The following USP35 variants were observed in gnomAD, a reference collection of about 807,000 sequenced individuals.
USP35 encodes the protein ubiquitin specific peptidase 35.
A neutral mutation model predicts 83.8 loss-of-function variants in USP35; 69 were observed. That is an observed-to-expected ratio of 0.82 (90% CI 0.68 to 1.01). USP35 has a LOEUF of 1.01. USP35 is among the 50% of genes least tolerant of loss of function. USP35 has a pLI of 0.00. For missense variants in USP35, 1,503 were observed against 1,362.5 expected (o/e 1.10, Z -1.62); for synonymous variants, 714 against 589.5 (o/e 1.21, Z -3.06).
At chr11:78,203,892 CTT>C (rs1452214469) in intron 6 of USP35, among the ~76,000 whole-genome samples, 7 of 114,344 alleles carry the variant, frequency 6.1e-5, no homozygotes, top group Non-Finnish European at 9.4e-5. Context: ...TTTTTCTTTT[CTT>C]TTTTTTTTTT....
chr11:78,225,221 T>G, the USP35 span: 1 of 1,526,392 alleles, frequency 6.6e-7, no homozygotes, highest in African/African-American at 1.4e-5. Flanking sequence ...GGAAGGAGGA[T>G]TCATAAGTAC....
At chr11:78,222,530 TATATATTA>T in the USP35 span, among the ~76,000 whole-genome samples, 3 of 148,178 alleles carry the variant, frequency 2.0e-5, no homozygotes, top group East Asian at 3.9e-4. Flanking sequence ...AAAATATATT[TATATATTA>T]ATATATTAAT....
At chr11:78,193,435 G>C (rs1180289895) in intron 1 of USP35, among the ~76,000 whole-genome samples, 1 of 150,620 alleles carries the variant, frequency 6.6e-6, no homozygotes, top group Non-Finnish European at 1.5e-5. Flanking sequence ...AACCTCCTGA[G>C]CTCAAGCCAT....
At chr11:78,226,922 G>A in the USP35 span, 1 of 1,613,944 alleles carries the variant, frequency 6.2e-7, no homozygotes, top group Non-Finnish European at 8.5e-7. Flanking sequence ...GCTTGGGAAG[G>A]CTATAGAAGC....
rs1864026850 is a variant in USP35, at chr11:78,214,737, CTGTGATGGCCACTG to C, written c.*925_*938del. The C allele has an allele frequency of 6.6e-6, 1 of 151,616 alleles. No individual in the cohort carries two copies. The highest frequency in any genetic ancestry group is 2.4e-5 in the African/African-American group (1 of 40,840). The allele number at this position is 151,616 out of a possible 1,614,324, so 9.4% of individuals were successfully genotyped here. On this transcript the variant is annotated 3_prime_UTR_variant, in exon 11 of 11. Coordinates refer to ENST00000529308, the MANE Select transcript of USP35 (RefSeq NM_020798.4). The stretch of plus-strand genomic sequence containing the variant: ...GATTGTTCTTCCTTGGACTCAGGGG[CTGTGATGGCCACTG>C]GGTTTTGCTCACGGGGTCTGGGGAG...
chr11:78,231,903 C>T, the USP35 span: 2 of 152,218 alleles, frequency 1.3e-5, no homozygotes, highest in African/African-American at 4.8e-5. Context: ...GTAACTGTCA[C>T]TGGCCATGTT....
chr11:78,196,723 C>T lies in USP35; in HGVS notation c.478C>T (p.His160Tyr), dbSNP rs1484770328. Residue 160 changes from histidine to tyrosine, a missense_variant, in exon 2 of 11, where the codon CAC becomes TAC. Coordinates refer to ENST00000529308, the MANE Select transcript of USP35 (RefSeq NM_020798.4). The surrounding 1 kb of genome is among the most constrained non-coding windows in gnomAD (Gnocchi z 4.8). ...CCCGCGCTGTGTGCCCGACGGACCC[C>T]ACCGCCTGCTCTTCTGCCAGCAGCT... The part of the protein sequence containing the change: ...RHPRCVPDGP[H>Y]RLLFCQQLVR... The T allele has an allele frequency of 6.5e-7, 1 of 1,530,728 alleles. No homozygotes were observed. 94.8% of individuals were successfully genotyped at this position (1,530,728 alleles called of 1,614,324 possible).
At chr11:78,210,842 TG>T (rs1279685814) in intron 10 of USP35, 98 bp downstream of exon 10, 1 of 1,292,900 alleles carries the variant, frequency 7.7e-7, no homozygotes, top group Non-Finnish European at 1.0e-6. Context: ...AAGTCTTTTT[TG>T]TAAATCCCAT....
At chr11:78,197,662 G>C (rs1863193728) in intron 2 of USP35, among the ~76,000 whole-genome samples, 1 of 152,156 alleles carries the variant, frequency 6.6e-6, no homozygotes, top group South Asian at 2.1e-4. Flanking sequence ...TAGCGCCAGC[G>C]TTTCCCCTCC....
chr11:78,213,856 G>C lies in USP35; in HGVS notation c.*43G>C. ...CCTGACCCCTTCCCTCCAGGAGCCA[G>C]GTAGGGCCTGAGGGAAGCTGTGGAG... On this transcript the variant is annotated 3_prime_UTR_variant, in exon 11 of 11. Coordinates refer to ENST00000529308, the MANE Select transcript of USP35 (RefSeq NM_020798.4). 6.5e-7 allele frequency: 1 copy of C among 1,529,572 alleles called. No homozygotes were observed. Among genetic ancestry groups the C allele is most frequent in the South Asian group, 1.3e-5 (1 of 76,460 alleles). The allele number at this position is 1,529,572 out of a possible 1,614,324, so 94.8% of individuals were successfully genotyped here.
Position 78,207,530 on chromosome 11 carries a change from C to T in USP35, c.1392C>T (p.Asp464=). Residue 464 remains aspartate, a splice_region_variant and synonymous_variant, in exon 8 of 11, where the codon GAC becomes GAT. Coordinates refer to ENST00000529308, the MANE Select transcript of USP35 (RefSeq NM_020798.4). ...SILQALFMAS[D]FRHCVLRLTE... ...TGGGTGCCCCTGCTTTGTTTTGAAG[C>T]TTCAGACATTGTGTGCTCCGCTTGA... 1 of 1,614,032 alleles carries T rather than the reference C, an allele frequency of 6.2e-7. No individual in the cohort carries two copies. Among genetic ancestry groups the T allele is most frequent in the Non-Finnish European group, 8.5e-7 (1 of 1,179,990 alleles).
chr11:78,224,708 A>G, the USP35 span, among the ~76,000 whole-genome samples: 2 of 152,024 alleles, frequency 1.3e-5, no homozygotes, highest in African/African-American at 4.8e-5. Flanking sequence ...CTCAAGCCAT[A>G]ATTCTGCCAC....
chr11:78,202,748 T>C (rs917423164), intron 6 of USP35, among the ~76,000 whole-genome samples: 1 of 152,060 alleles, frequency 6.6e-6, no homozygotes, highest in African/African-American at 2.4e-5. Context: ...CCCCCGACAG[T>C]GGAGGTGGAT....
chr11:78,200,653 C>T lies in USP35; in HGVS notation c.1042C>T (p.Leu348Phe), dbSNP rs986349688. ...TGACGCAGCTCTGCTCCCACAGCTC[C>T]TCCCTCACATCCCCCCCATGGTGGC... ...QHSHEAFHLL[L>F]PHIPPMVASL... Residue 348 changes from leucine (L) to phenylalanine (F), a missense_variant, in exon 6 of 11, where the codon CTC becomes TTC. By Grantham distance (22) the Leu-to-Phe change is conservative. Coordinates refer to ENST00000529308, the MANE Select transcript of USP35 (RefSeq NM_020798.4). 4 of 1,608,816 alleles carry T rather than the reference C, an allele frequency of 2.5e-6. No homozygotes were observed. The highest frequency in any genetic ancestry group is 3.4e-6 in the Non-Finnish European group (4 of 1,176,914).
chr11:78,220,213 G>A, downstream of USP35: 2 of 1,171,004 alleles, frequency 1.7e-6, no homozygotes, highest in South Asian at 1.4e-5. Flanking sequence ...GGAGCAGGAG[G>A]GAGGCTGAGT....
At chr11:78,202,982 C>T (rs993500146) in intron 6 of USP35, among the ~76,000 whole-genome samples, 1 of 152,108 alleles carries the variant, frequency 6.6e-6, no homozygotes, top group Admixed American at 6.6e-5. Context: ...TAGGAGAATG[C>T]TGTAATGAAG....
chr11:78,190,427 G>A (rs888310135), intron 1 of USP35, among the ~76,000 whole-genome samples: 1 of 152,202 alleles, frequency 6.6e-6, no homozygotes, highest in Non-Finnish European at 1.5e-5. Flanking sequence ...GGTGGTGACT[G>A]GACCAAAGGT....
At position 78,213,654 on chromosome 11, in the gene USP35, G is replaced by A. The variant is rs1177969928; in HGVS notation, c.2898G>A (p.Glu966=). 8 of 1,491,738 alleles carry A rather than the reference G, an allele frequency of 5.4e-6. No homozygotes were observed. In the East Asian group the frequency reaches 2.1e-4, roughly 40 times the overall value. The allele number at this position is 1,491,738 out of a possible 1,614,324, so 92.4% of individuals were successfully genotyped here. The stretch of plus-strand genomic sequence containing the variant: ...CTCATCTGTGTTCCCAGGAGCAGGA[G>A]AAGGAGGCCCGGAGCAGGGCGGCCT... The part of the protein sequence containing the change: ...KDNILYLQEQ[E]KEARSRAAYI... The change falls in exon 11 of 11, where the codon GAG becomes GAA. Residue 966 remains glutamate, a synonymous_variant. Transcript: ENST00000529308.
intron 8 of USP35, among the ~76,000 whole-genome samples, chr11:78,208,355 AG>A (rs1863601555): frequency 6.6e-6 from 1 of 152,184 alleles, no homozygotes. Flanking sequence ...AGAGCTGTTG[AG>A]GGTACAGAGG....
Sources: allele counts gnomAD v4.1 joint callset (sites outside exome capture counted in the v4.1 genomes callset), GRCh38; gene constraint gnomAD v4.1.1; non-coding constraint Gnocchi (gnomAD v3.1); transcripts MANE v1.5; gene names NCBI Gene and HGNC (gene_info 2026-07-23, HGNC 2026-07-21).